Variants in BCO1 observed in about 807,000 individuals in gnomAD.
The protein encoded by BCO1 is beta-carotene oxygenase 1.
A neutral mutation model predicts 56.3 loss-of-function variants in BCO1; 54 were observed. The observed-to-expected ratio is 0.96, with a 90% confidence interval of 0.77 to 1.20. The LOEUF is 1.20. BCO1 is among the 50% of genes most tolerant of loss of function. BCO1 has a pLI of 0.00. For missense variants in BCO1, 801 were observed against 690.9 expected (o/e 1.16, Z -1.79); for synonymous variants, 318 against 266.1 (o/e 1.20, Z -1.90).
intron 9 of BCO1, among the ~76,000 whole-genome samples, 197 bp from the exon 10 acceptor site, chr16:81,287,098 A>C (rs1401800047): frequency 6.6e-6 from 1 of 152,026 alleles, no homozygotes; most frequent in Non-Finnish European, 1.5e-5. Flanking sequence ...AACAAACAAA[A>C]AACTGGGGGA....
At position 81,238,807 on chromosome 16, in the gene BCO1, G is replaced by T; in HGVS notation, c.-102G>T. The stretch of plus-strand genomic sequence containing the variant: ...AGAGATGTGAAGGAGGGAAGGAGCA[G>T]GAGAGCAGGAAGGAAACGCAGGAGG... On this transcript the variant is annotated 5_prime_UTR_variant, in exon 1 of 11. It adds an upstream start codon to the 5' untranslated region. Coordinates refer to ENST00000258168, the MANE Select transcript of BCO1 (RefSeq NM_017429.3). 1 of 998,666 alleles carries T rather than the reference G, an allele frequency of 1.0e-6. No homozygotes were observed. Among genetic ancestry groups the T allele is most frequent in the South Asian group, 1.3e-5 (1 of 77,520 alleles). 61.9% of individuals were successfully genotyped at this position (998,666 alleles called of 1,614,324 possible).
intron 2 of BCO1, among the ~76,000 whole-genome samples, chr16:81,254,295 A>ATT (rs57961725): frequency 0.027 from 2,150 of 78,282 alleles, 161 homozygotes; most frequent in African/African-American, 0.049. Flanking sequence ...CGCCCGGCTA[A>ATT]TTTTTTTTTT....
intron 2 of BCO1, among the ~76,000 whole-genome samples, chr16:81,257,492 T>G (rs961201475): frequency 2.7e-4 from 41 of 151,844 alleles, no homozygotes; most frequent in African/African-American, 9.6e-4. Flanking sequence ...CTCAAACTCC[T>G]GACCTCAGGT....
chr16:81,267,990 C>A lies in BCO1; in HGVS notation c.702C>A (p.Ser234Arg). The change falls in exon 6 of 11, where the codon AGC becomes AGA. Residue 234 changes from serine to arginine, a missense_variant. Transcript: ENST00000258168. ...SIPSRSLLSP[S>R]YYHSFGVTEN... ...CATCCCGCTCCCTGCTCTCCCCAAG[C>A]TACTACCACAGCTTTGGAGTCACCG... The A allele has an allele frequency of 6.2e-7, 1 of 1,614,090 alleles. No individual in the cohort carries two copies. The highest frequency in any genetic ancestry group is 8.5e-7 in the Non-Finnish European group (1 of 1,180,034).
Position 81,290,367 on chromosome 16 carries a change from T to G in BCO1, c.1434T>G (p.Ile478Met). ...CTAAAGGAGTAATCTTATCAGCCAT[T>G]GTCTCTACTGATCCCCAAAAGCTGC... ...DEDDGVILSAIVSTDPQKLPF... is the reference protein window; with the variant it reads ...DEDDGVILSAMVSTDPQKLPF... The change falls in exon 11 of 11, where the codon ATT becomes ATG. Residue 478 changes from isoleucine (I) to methionine (M), a missense_variant. Ile to Met is a conservative substitution (Grantham distance 10). Transcript: ENST00000258168. The G allele has an allele frequency of 6.2e-7, 1 of 1,614,150 alleles. No individual in the cohort carries two copies. Among genetic ancestry groups the G allele is most frequent in the Non-Finnish European group, 8.5e-7 (1 of 1,179,960 alleles).
intron 2 of BCO1, among the ~76,000 whole-genome samples, chr16:81,248,712 G>A (rs1361058319): frequency 3.9e-5 from 6 of 152,200 alleles, no homozygotes; most frequent in African/African-American, 1.4e-4. Context: ...GAACATAGAA[G>A]GTAAATGCAC....
intron 1 of BCO1, 103 bp downstream of exon 1, chr16:81,239,075 G>A (rs949975923): frequency 2.2e-5 from 23 of 1,033,042 alleles, no homozygotes; most frequent in Non-Finnish European, 3.1e-5. Flanking sequence ...GGAGTCCAGT[G>A]GCTTGATCTC....
intron 7 of BCO1, among the ~76,000 whole-genome samples, chr16:81,273,356 G>A (rs900236488): frequency 1.3e-5 from 2 of 152,260 alleles, no homozygotes; most frequent in East Asian, 3.9e-4. Flanking sequence ...TCCTAGGAAA[G>A]AGCCTCAGAT....
chr16:81,258,026 G>A (rs1293381507), intron 2 of BCO1, among the ~76,000 whole-genome samples: 2 of 152,182 alleles, frequency 1.3e-5, no homozygotes, highest in Non-Finnish European at 2.9e-5. Context: ...ATGTGATACC[G>A]GGACAGGAGA....
chr16:81,272,322 G>T (rs1162789217), intron 7 of BCO1, among the ~76,000 whole-genome samples: 3 of 150,840 alleles, frequency 2.0e-5, no homozygotes, highest in Non-Finnish European at 4.4e-5. Context: ...GTTTCACCGT[G>T]TTAGCCAGGA....
chr16:81,263,169 G>T (rs532763614), intron 4 of BCO1: 1 of 148,724 alleles, frequency 6.7e-6, no homozygotes, highest in Non-Finnish European at 1.5e-5. Flanking sequence ...GGAGTGCAGT[G>T]GTGCGATCTC....
At chr16:81,262,353 A>T in intron 4 of BCO1, 70 bp downstream of exon 4, 1 of 1,540,882 alleles carries the variant, frequency 6.5e-7, no homozygotes, top group Non-Finnish European at 9.0e-7. Context: ...GGCCGGGGTG[A>T]GGTTGCTCAG....
chr16:81,249,534 G>C (rs112568886), intron 2 of BCO1, among the ~76,000 whole-genome samples: 2 of 152,280 alleles, frequency 1.3e-5, no homozygotes, highest in African/African-American at 4.8e-5. Flanking sequence ...GGGATTACAG[G>C]TGTGAGCCAC....
chr16:81,254,537 A>C (rs114460718), intron 2 of BCO1, among the ~76,000 whole-genome samples: 14 of 151,426 alleles, frequency 9.2e-5, no homozygotes, highest in Non-Finnish European at 5.9e-5. Flanking sequence ...TGCCAGGACA[A>C]CAAGCCTGAG....
intron 7 of BCO1, among the ~76,000 whole-genome samples, chr16:81,271,241 A>C (rs1321779068): frequency 6.6e-6 from 1 of 151,732 alleles, no homozygotes; most frequent in Non-Finnish European, 1.5e-5. Context: ...CGGCCTCTCA[A>C]GTACCTGGGA....
chr16:81,290,550 C>G lies in BCO1; in HGVS notation c.1617C>G (p.Ser539=). 1 of 1,613,854 alleles carries G rather than the reference C, an allele frequency of 6.2e-7. No individual in the cohort carries two copies. Among genetic ancestry groups the G allele is most frequent in the East Asian group, 2.2e-5 (1 of 44,874 alleles). ...AASEEQRDRA[S]DCHGAPLT is the part of the protein sequence containing the mutation. ...CTGAGGAACAGCGGGACAGGGCTTC[C>G]GACTGCCACGGGGCTCCTCTGACCT... The change falls in exon 11 of 11, where the codon TCC becomes TCG. Residue 539 remains serine, a synonymous_variant. Coordinates refer to ENST00000258168, the MANE Select transcript of BCO1 (RefSeq NM_017429.3).
intron 2 of BCO1, among the ~76,000 whole-genome samples, chr16:81,257,369 A>G (rs1906206348): frequency 1.3e-5 from 2 of 151,960 alleles, no homozygotes; most frequent in South Asian, 2.1e-4. Flanking sequence ...GGTTCAGGCA[A>G]TTCTGTCTCC....
In BCO1 at chr16:81,238,709, G is replaced by A. The variant is rs899114237; in HGVS notation, c.-200G>A. ...CCCTTGTGAATGTAAAGAGATCCAG[G>A]GCTCTTGGAGAGGGACAAGTGAGAG... On this transcript the variant is annotated 5_prime_UTR_variant, in exon 1 of 11. Transcript: ENST00000258168. 3.2e-6 allele frequency: 2 copies of A among 628,792 alleles called. No individual in the cohort carries two copies. Among genetic ancestry groups the A allele is most frequent in the African/African-American group, 1.8e-5 (1 of 54,326 alleles). The allele number at this position is 628,792 out of a possible 1,614,324, so 39.0% of individuals were successfully genotyped here.
intron 8 of BCO1, among the ~76,000 whole-genome samples, chr16:81,284,675 G>A (rs1908071511): frequency 6.6e-6 from 1 of 151,888 alleles, no homozygotes; most frequent in African/African-American, 2.4e-5. Flanking sequence ...TTAGAGATGG[G>A]GTTCTTGCCA....
Sources: gnomAD v4.1 joint callset for allele counts (sites outside exome capture counted in the v4.1 genomes callset) on GRCh38, gnomAD v4.1.1 for gene constraint, MANE v1.5 for transcripts, NCBI Gene and HGNC (gene_info 2026-07-23, HGNC 2026-07-21) for gene names.